CYP4X1: variants seen among roughly 807,000 people sequenced by gnomAD.
CYP4X1 encodes cytochrome P450 family 4 subfamily X member 1.
Under a neutral mutation model 57.9 loss-of-function variants are expected in CYP4X1, and 44 were observed. That is an observed-to-expected ratio of 0.76 (90% CI 0.60 to 0.98). The LOEUF (loss-of-function observed/expected upper bound fraction) is 0.98. Among genes scored for constraint, CYP4X1 ranks in the 50% least tolerant of loss-of-function variants. The pLI, the probability that CYP4X1 is intolerant of heterozygous loss-of-function variation, is 0.00. For synonymous variants in CYP4X1, 227 were observed against 228.6 expected, an observed-to-expected ratio of 0.99 and a Z score of 0.06; for missense variants, 532 against 623.9, an observed-to-expected ratio of 0.85 and a Z score of 1.57.
At chr1:47,029,102 A>G (rs1644099993) in intron 1 of CYP4X1, among the ~76,000 whole-genome samples, 1 of 152,254 alleles carries the variant, frequency 6.6e-6, no homozygotes, top group South Asian at 2.1e-4. Context: ...ACAATCCTGC[A>G]GCAGATACCG....
the CYP4X1 span, among the ~76,000 whole-genome samples, chr1:46,988,984 G>A: frequency 6.6e-6 from 1 of 152,194 alleles, no homozygotes; most frequent in African/African-American, 2.4e-5. Flanking sequence ...TTGGAAAACA[G>A]GCACAAGACA....
chr1:46,989,264 CAGAG>C, the CYP4X1 span, among the ~76,000 whole-genome samples: 7 of 152,196 alleles, frequency 4.6e-5, no homozygotes, highest in South Asian at 1.5e-3. Context: ...AATCGACAAA[CAGAG>C]AGCCAAATCA....
chr1:46,963,440 G>T, the CYP4X1 span, among the ~76,000 whole-genome samples: 2 of 150,926 alleles, frequency 1.3e-5, no homozygotes, highest in Non-Finnish European at 3.0e-5. Flanking sequence ...CTCTTGTAAG[G>T]CAGGCCTGGT....
chr1:46,973,289 G>A, the CYP4X1 span, among the ~76,000 whole-genome samples: 1 of 152,154 alleles, frequency 6.6e-6, no homozygotes, highest in African/African-American at 2.4e-5. Flanking sequence ...ACTCGATAGT[G>A]ATATATTAGC....
chr1:47,016,020 C>T, the CYP4X1 span, among the ~76,000 whole-genome samples: 8 of 152,084 alleles, frequency 5.3e-5, no homozygotes, highest in African/African-American at 1.9e-4. Flanking sequence ...TCTACTTATT[C>T]TCTTAATAGA....
downstream of CYP4X1, among the ~76,000 whole-genome samples, chr1:47,053,711 G>A (rs1466572006): frequency 1.3e-5 from 2 of 152,208 alleles, no homozygotes; most frequent in African/African-American, 4.8e-5. Context: ...CTGCATAAAT[G>A]TCCTCTTTTG....
the CYP4X1 span, among the ~76,000 whole-genome samples, chr1:47,002,207 A>G: frequency 6.6e-6 from 1 of 152,260 alleles, no homozygotes; most frequent in African/African-American, 2.4e-5. Flanking sequence ...TCTTCAAGGC[A>G]GGGTCAGTAC....
chr1:46,995,754 G>A, the CYP4X1 span, among the ~76,000 whole-genome samples: 1 of 152,178 alleles, frequency 6.6e-6, no homozygotes, highest in African/African-American at 2.4e-5. Flanking sequence ...AAAACTCATA[G>A]GGCCAGAGTT....
rs1260423289 is a variant in CYP4X1, at chr1:47,049,472, C to T, written c.1323C>T (p.Pro441=). 2 of 1,614,084 alleles carry T rather than the reference C, an allele frequency of 1.2e-6. No individual in the cohort carries two copies. The highest frequency in any genetic ancestry group is 2.2e-5 in the East Asian group (1 of 44,864). ...AGGAGAATTCTGATCAGAGACACCC[C>T]TATGCCTACTTACCATTCTCAGCTG... ...FSQENSDQRH[P]YAYLPFSAGS... is the part of the protein sequence containing the mutation. Residue 441 remains proline (P), a synonymous_variant, in exon 11 of 12, where the codon CCC becomes CCT. Coordinates refer to ENST00000371901, the MANE Select transcript of CYP4X1 (RefSeq NM_178033.2).
chr1:47,034,258 T>C (rs570134860), intron 4 of CYP4X1, among the ~76,000 whole-genome samples: 1 of 152,304 alleles, frequency 6.6e-6, no homozygotes, highest in South Asian at 2.1e-4. Flanking sequence ...AGAATGTGTG[T>C]ATTAAAGTTG....
intron 1 of CYP4X1, among the ~76,000 whole-genome samples, chr1:47,025,302 C>A (rs1553391): frequency 0.42 from 63,336 of 152,034 alleles, 14,045 homozygotes; most frequent in East Asian, 0.92. Flanking sequence ...GAGTGGAAGC[C>A]GTCTGAGATC....
the CYP4X1 span, among the ~76,000 whole-genome samples, chr1:47,000,123 C>T: frequency 6.6e-6 from 1 of 152,038 alleles, no homozygotes; most frequent in African/African-American, 2.4e-5. Flanking sequence ...TGGTTTCCTC[C>T]ATGCTGTTCT....
the CYP4X1 span, among the ~76,000 whole-genome samples, chr1:47,007,238 A>G: frequency 6.6e-6 from 1 of 152,182 alleles, no homozygotes; most frequent in African/African-American, 2.4e-5. Context: ...ATTTCCAGGC[A>G]AACGATCCGG....
At chr1:47,052,984 T>G (rs949421232), downstream of CYP4X1, among the ~76,000 whole-genome samples, 12 of 152,126 alleles carry the variant, frequency 7.9e-5, no homozygotes, top group Non-Finnish European at 1.8e-4. Context: ...TTGTTACATA[T>G]GTATACATGT....
chr1:46,999,026 T>TGTGTGTGTGTGTGTGTGTGTGTG, the CYP4X1 span, among the ~76,000 whole-genome samples: 3 of 143,248 alleles, frequency 2.1e-5, no homozygotes, highest in African/African-American at 8.0e-5. Context: ...CTTGCTTTCT[T>TGTGTGTGTGTGTGTGTGTGTGTG]TGTGTGTGTG....
chr1:47,036,950 C>G (rs1324854535), intron 6 of CYP4X1, among the ~76,000 whole-genome samples: 1 of 152,172 alleles, frequency 6.6e-6, no homozygotes, highest in Non-Finnish European at 1.5e-5. Flanking sequence ...TGCACACTTA[C>G]ACATACATAT....
chr1:47,024,197 G>C (rs1392573212), intron 1 of CYP4X1, among the ~76,000 whole-genome samples: 1 of 152,206 alleles, frequency 6.6e-6, no homozygotes, highest in Non-Finnish European at 1.5e-5. Context: ...CACAGGGAAA[G>C]GTCACAAAAG....
the CYP4X1 span, among the ~76,000 whole-genome samples, chr1:46,980,613 G>C: frequency 6.6e-6 from 1 of 152,164 alleles, no homozygotes; most frequent in African/African-American, 2.4e-5. Context: ...TTTCTTCACA[G>C]AATTAGAAAA....
At chr1:47,010,179 C>T in the CYP4X1 span, among the ~76,000 whole-genome samples, 33 of 150,966 alleles carry the variant, frequency 2.2e-4, no homozygotes, top group Non-Finnish European at 4.4e-4. Flanking sequence ...ACTAGCAAAC[C>T]GAATCCAGCA....
Sources: allele counts gnomAD v4.1 joint callset (sites outside exome capture counted in the v4.1 genomes callset), GRCh38; gene constraint gnomAD v4.1.1; transcripts MANE v1.5; gene names NCBI Gene and HGNC (gene_info 2026-07-23, HGNC 2026-07-21).